HSF2BP: variants seen among roughly 807,000 people sequenced by gnomAD.
The protein encoded by HSF2BP is heat shock factor 2-binding protein.
HSF2BP carries 35 observed loss-of-function variants against 35.0 expected under a neutral mutation model. The observed-to-expected ratio is 1.00, with a 90% confidence interval of 0.76 to 1.32. HSF2BP has a LOEUF of 1.32. Ranked by LOEUF, HSF2BP falls within the 40% of genes most tolerant of loss-of-function variation. The pLI, the probability that HSF2BP is intolerant of heterozygous loss-of-function variation, is 0.00. For missense variants in HSF2BP, 326 were observed against 321.7 expected (o/e 1.01, Z -0.10); for synonymous variants, 114 against 117.4 (o/e 0.97, Z 0.18).
chr21:43,650,597 G>A (rs906398734), intron 3 of HSF2BP, among the ~76,000 whole-genome samples: 1 of 151,474 alleles, frequency 6.6e-6, no homozygotes, highest in Non-Finnish European at 1.5e-5. Flanking sequence ...GATGAATAAA[G>A]CACAAGAAGG....
At chr21:43,642,013 G>T (rs1245190992) in intron 4 of HSF2BP, among the ~76,000 whole-genome samples, 1 of 151,736 alleles carries the variant, frequency 6.6e-6, no homozygotes, top group Non-Finnish European at 1.5e-5. Context: ...TAAGTTTCCA[G>T]GGCCAGGTGC....
chr21:43,580,170 T>C (rs1485611289), intron 8 of HSF2BP, among the ~76,000 whole-genome samples: 1 of 152,248 alleles, frequency 6.6e-6, no homozygotes, highest in Non-Finnish European at 1.5e-5. Flanking sequence ...GCAAGTTTCT[T>C]GTGAACTCTA....
Position 43,656,724 on chromosome 21 carries a change from T to G in HSF2BP, c.50A>C (p.Lys17Thr), listed in dbSNP as rs1258820889. The G allele has an allele frequency of 6.2e-7, 1 of 1,612,690 alleles. No individual in the cohort carries two copies. Among genetic ancestry groups the G allele is most frequent in the Non-Finnish European group, 8.5e-7 (1 of 1,179,670 alleles). The change falls in exon 3 of 9, where the codon AAA becomes ACA. Residue 17 changes from lysine to threonine, a missense_variant. Physicochemically the swap from Lys to Thr is moderately conservative, Grantham distance 78. Coordinates refer to ENST00000291560, the MANE Select transcript of HSF2BP (RefSeq NM_007031.2). ...CTTTCTGACTTTAACAAATTCCTCT[T>G]TAGTTCCCATGTGCTAAAAGAACAA... ...AEEACRHMGT[K>T]EEFVKVRKKD...
chr21:43,616,625 A>G (rs1351907129), intron 6 of HSF2BP, among the ~76,000 whole-genome samples: 2 of 151,908 alleles, frequency 1.3e-5, no homozygotes, highest in Non-Finnish European at 2.9e-5. Context: ...CCTAGGAGAC[A>G]GAGCGAAACT....
At chr21:43,652,479 C>G (rs938845059) in intron 3 of HSF2BP, among the ~76,000 whole-genome samples, 7 of 150,506 alleles carry the variant, frequency 4.7e-5, no homozygotes, top group Non-Finnish European at 7.4e-5. Context: ...GACAATAGGG[C>G]TAGTGGGAGA....
At chr21:43,642,256 C>G (rs2082646913) in intron 4 of HSF2BP, among the ~76,000 whole-genome samples, 2 of 152,284 alleles carry the variant, frequency 1.3e-5, no homozygotes, top group South Asian at 2.1e-4. Context: ...CCCAGCCACT[C>G]TGGAGGCCAA....
At chr21:43,579,798 C>T (rs907988943) in intron 8 of HSF2BP, among the ~76,000 whole-genome samples, 33 of 152,220 alleles carry the variant, frequency 2.2e-4, no homozygotes, top group African/African-American at 8.0e-4. Context: ...TTGTATTCTT[C>T]TCAAAGAAAT....
chr21:43,594,059 T>C (rs1278697517), intron 7 of HSF2BP, among the ~76,000 whole-genome samples: 1 of 152,076 alleles, frequency 6.6e-6, no homozygotes, highest in East Asian at 1.9e-4. Context: ...ATATTACCTA[T>C]AAAAGAGTAA....
intron 7 of HSF2BP, among the ~76,000 whole-genome samples, chr21:43,598,386 TTTG>T (rs1180633996): frequency 3.6e-5 from 3 of 83,348 alleles, no homozygotes; most frequent in African/African-American, 1.8e-4. Context: ...TGTGGGTTTT[TTTG>T]TTTTTTTTTT....
chr21:43,659,457 C>A lies in HSF2BP; in HGVS notation c.-296G>T. The A allele has an allele frequency of 2.9e-6, 1 of 344,378 alleles. No individual in the cohort carries two copies. Among genetic ancestry groups the A allele is most frequent in the Non-Finnish European group, 4.6e-6 (1 of 218,102 alleles). The allele number at this position is 344,378 out of a possible 1,614,324, so 21.3% of individuals were successfully genotyped here. ...CGCCACGTGCACACGGGCTGGGCCG[C>A]TCCGCCAGCTGCCAGGGCCACTGCC... On this transcript the variant is annotated 5_prime_UTR_variant, in exon 1 of 9. Coordinates refer to ENST00000291560, the MANE Select transcript of HSF2BP (RefSeq NM_007031.2). The surrounding 1 kb of genome is among the most constrained non-coding windows in gnomAD (Gnocchi z 4.2).
chr21:43,656,678 T>A lies in HSF2BP; in HGVS notation c.96A>T (p.Thr32=). 6.2e-7 allele frequency: 1 copy of A among 1,614,112 alleles called. No individual in the cohort carries two copies. The highest frequency in any genetic ancestry group is 2.2e-5 in the East Asian group (1 of 44,876). The part of the protein sequence containing the change: ...KVRKKDLERL[T]TEVMQIRDFL... ...AGTCCCGTATTTGCATCACTTCAGT[T>A]GTCAGCCGTTCCAGATCCTTCTTTC... is the stretch of plus-strand genomic sequence containing the variant. The change falls in exon 3 of 9, where the codon ACA becomes ACT. Residue 32 remains threonine (T), a synonymous_variant. Coordinates refer to ENST00000291560, the MANE Select transcript of HSF2BP (RefSeq NM_007031.2).
At chr21:43,651,733 C>T (rs965294868) in intron 3 of HSF2BP, among the ~76,000 whole-genome samples, 1 of 152,218 alleles carries the variant, frequency 6.6e-6, no homozygotes, top group African/African-American at 2.4e-5. Context: ...GCAATCGGTC[C>T]TGCTCAATCC....
At chr21:43,577,017 TG>T (rs2081652737) in intron 8 of HSF2BP, among the ~76,000 whole-genome samples, 1 of 152,160 alleles carries the variant, frequency 6.6e-6, no homozygotes, top group Non-Finnish European at 1.5e-5. Context: ...TTCTCGTAAT[TG>T]CTCTGAAGTG....
At chr21:43,657,556 G>T (rs1455628559) in intron 2 of HSF2BP, among the ~76,000 whole-genome samples, 1 of 152,230 alleles carries the variant, frequency 6.6e-6, no homozygotes, top group African/African-American at 2.4e-5. Context: ...TTAAGGCACG[G>T]GAGCTAGATG....
At chr21:43,630,071 T>C (rs2146995448) in intron 6 of HSF2BP, among the ~76,000 whole-genome samples, 1 of 152,302 alleles carries the variant, frequency 6.6e-6, no homozygotes. Context: ...CAGCAAAAAA[T>C]TGTAACTTGC....
intron 6 of HSF2BP, among the ~76,000 whole-genome samples, chr21:43,623,696 C>T (rs2082357312): frequency 6.6e-6 from 1 of 152,084 alleles, no homozygotes; most frequent in Non-Finnish European, 1.5e-5. Flanking sequence ...AGTGGTCTTC[C>T]TTCTTATAGT....
At chr21:43,501,339 T>C in the HSF2BP span, among the ~76,000 whole-genome samples, 1 of 118,616 alleles carries the variant, frequency 8.4e-6, no homozygotes, top group Non-Finnish European at 1.7e-5. Flanking sequence ...TGTAGCATCC[T>C]TTATCCAGCA....
In HSF2BP at chr21:43,585,789, G is replaced by A. The variant is rs541581506; in HGVS notation, c.796+6436C>T. Among the ~76,000 whole-genome samples the A allele has an allele frequency of 1.3e-3, 192 of 152,320 alleles. 2 individuals carry two copies. The highest frequency in any genetic ancestry group is 4.1e-3 in the African/African-American group (172 of 41,572). On this transcript the variant is annotated intron_variant, in intron 8 of 8. Transcript: ENST00000291560. ...GGAGTCAAGGAGTCAAGAATCACTC[G>A]AAGGTTTTTTAAAAGTCTGAGACAC...
At chr21:43,575,338 G>A (rs778427040) in intron 8 of HSF2BP, among the ~76,000 whole-genome samples, 8 of 152,138 alleles carry the variant, frequency 5.3e-5, no homozygotes, top group African/African-American at 1.2e-4. Context: ...GCACATCTCC[G>A]TGGAAAAATT....
Sources: gnomAD v4.1 joint callset for allele counts (sites outside exome capture counted in the v4.1 genomes callset) on GRCh38, gnomAD v4.1.1 for gene constraint, Gnocchi (gnomAD v3.1) non-coding constraint, MANE v1.5 for transcripts, NCBI Gene and HGNC (gene_info 2026-07-23, HGNC 2026-07-21) for gene names.